Variants in STRN observed in about 807,000 individuals in gnomAD.
STRN encodes the protein striatin, also known as protein phosphatase 2 regulatory subunit B'''alpha.
In STRN, 53 loss-of-function variants were observed where a neutral mutation model predicts 96.3. The observed-to-expected ratio is 0.55, with a 90% CI of 0.44 to 0.69. The LOEUF is 0.69. Among genes scored for constraint, STRN ranks in the 30% least tolerant of loss-of-function variants. STRN has a pLI of 0.00. For synonymous variants in STRN, 428 were observed against 355.9 expected, an observed-to-expected ratio of 1.20 and a Z score of -2.28; for missense variants, 987 against 963.9, an observed-to-expected ratio of 1.02 and a Z score of -0.32.
intron 3 of STRN, among the ~76,000 whole-genome samples, chr2:36,910,768 T>C (rs1027567184): frequency 1.3e-5 from 2 of 152,192 alleles, no homozygotes; most frequent in Non-Finnish European, 2.9e-5. Flanking sequence ...TCTAAATTTC[T>C]CAATTAAAAG....
intron 5 of STRN, 130 bp from the exon 6 acceptor site, chr2:36,899,788 ATTCT>A: frequency 9.7e-6 from 8 of 826,570 alleles, no homozygotes; most frequent in South Asian, 2.2e-5. Flanking sequence ...ATCTACATTG[ATTCT>A]TATCAATTAC....
At position 36,887,084 on chromosome 2, in the gene STRN, C is replaced by CACACAT. The variant is rs1281980963; in HGVS notation, c.932-259_932-258insATGTGT. On this transcript the variant is annotated intron_variant, in intron 7 of 17. Transcript: ENST00000263918. ...ACACACACACACACACACACACACA[C>CACACAT]ACGGAAGATTTTAGTGATTTTTAGT... is the stretch of plus-strand genomic sequence containing the variant. Among the ~76,000 whole-genome samples, 618 of 118,176 alleles carry CACACAT rather than the reference C, an allele frequency of 5.2e-3. 12 individuals carry two copies. Among genetic ancestry groups the CACACAT allele is most frequent in the African/African-American group, 0.016 (537 of 34,416 alleles). 77.5% of individuals were successfully genotyped at this position (118,176 alleles called of 152,430 possible).
At chr2:36,889,763 T>C (rs1253878261) in intron 7 of STRN, among the ~76,000 whole-genome samples, 3 of 152,076 alleles carry the variant, frequency 2.0e-5, no homozygotes. Flanking sequence ...TATAAAATCC[T>C]AAAACATACA....
chr2:36,864,745 CTT>C (rs1668579292), intron 12 of STRN, among the ~76,000 whole-genome samples: 1 of 152,168 alleles, frequency 6.6e-6, no homozygotes, highest in African/African-American at 2.4e-5. Context: ...TTTCATCACT[CTT>C]GTCGCCCAGG....
chr2:36,886,253 C>T (rs767046749), intron 8 of STRN, among the ~76,000 whole-genome samples: 62 of 152,116 alleles, frequency 4.1e-4, no homozygotes, highest in Non-Finnish European at 7.1e-4. Context: ...AGCAAATGAA[C>T]TGCATGTTAT....
chr2:36,915,446 G>C (rs1490809266), intron 3 of STRN, among the ~76,000 whole-genome samples: 1 of 151,010 alleles, frequency 6.6e-6, no homozygotes, highest in African/African-American at 2.4e-5. Context: ...CTACTAATAA[G>C]TGAATTATAT....
intron 2 of STRN, among the ~76,000 whole-genome samples, chr2:36,917,270 C>T (rs574447518): frequency 5.2e-4 from 79 of 151,384 alleles, no homozygotes; most frequent in African/African-American, 1.9e-3. Context: ...GCCTGTAATC[C>T]TAACACTTTG....
At position 36,838,971 on chromosome 2, in the gene STRN, A is replaced by T. The variant is rs768431639; in HGVS notation, c.*10485T>A. 6.6e-6 allele frequency among the ~76,000 whole-genome samples: 1 copy of T among 152,206 alleles called. No individual in the cohort carries two copies. Among genetic ancestry groups the T allele is most frequent in the Non-Finnish European group, 1.5e-5 (1 of 68,042 alleles). ...TGATAAATTTGAGAGACCTTTAAAAATTTGTAAGGTGCTCATGATACACAT... is the reference window on the plus strand; with the variant it reads ...TGATAAATTTGAGAGACCTTTAAAATTTTGTAAGGTGCTCATGATACACAT... On this transcript the variant is annotated 3_prime_UTR_variant, in exon 18 of 18. Coordinates refer to ENST00000263918, the MANE Select transcript of STRN (RefSeq NM_003162.4).
chr2:36,964,034 C>G (rs1470345115), intron 1 of STRN, among the ~76,000 whole-genome samples: 1 of 151,642 alleles, frequency 6.6e-6, no homozygotes, highest in African/African-American at 2.4e-5. Context: ...ATGATAAGCA[C>G]CCATGGGAAA....
rs1572611275 is a variant in STRN at position 36,839,077 on chromosome 2, T to A, written c.*10379A>T. ...AACTGGGTATACACATTTGTATGAA[T>A]AATTAGAAAGATACATATCAGGGAG... On this transcript the variant is annotated 3_prime_UTR_variant, in exon 18 of 18. Transcript: ENST00000263918. Among the ~76,000 whole-genome samples, 5 of 152,222 alleles carry A rather than the reference T, an allele frequency of 3.3e-5. No homozygotes were observed. The South Asian group carries it at 8.3e-4, about 25-fold the overall frequency.
intron 9 of STRN, among the ~76,000 whole-genome samples, chr2:36,880,171 T>G (rs986685240): frequency 6.6e-6 from 1 of 152,230 alleles, no homozygotes; most frequent in South Asian, 2.1e-4. Context: ...TTTTGCCACG[T>G]TGGCCAGGCT....
At chr2:36,914,874 A>G (rs1670049002) in intron 3 of STRN, among the ~76,000 whole-genome samples, 1 of 152,170 alleles carries the variant, frequency 6.6e-6, no homozygotes, top group South Asian at 2.1e-4. Flanking sequence ...TACCAAAGAT[A>G]CTTTACCGAA....
At chr2:36,896,479 T>C (rs1296312337) in intron 6 of STRN, among the ~76,000 whole-genome samples, 1 of 152,202 alleles carries the variant, frequency 6.6e-6, no homozygotes, top group Non-Finnish European at 1.5e-5. Context: ...TAAGCATGTA[T>C]TACTTTTCTT....
At chr2:36,951,391 C>G (rs1021947803) in intron 1 of STRN, among the ~76,000 whole-genome samples, 5 of 152,186 alleles carry the variant, frequency 3.3e-5, no homozygotes, top group African/African-American at 1.2e-4. Context: ...CAATAAAATG[C>G]AGACACTATT....
intron 1 of STRN, among the ~76,000 whole-genome samples, chr2:36,946,591 A>G (rs982951904): frequency 1.4e-4 from 22 of 152,248 alleles, no homozygotes; most frequent in Non-Finnish European, 2.6e-4. Context: ...AAAATGTGGT[A>G]TACACTAAAT....
At chr2:36,886,263 T>G (rs1669223528) in intron 8 of STRN, among the ~76,000 whole-genome samples, 1 of 152,188 alleles carries the variant, frequency 6.6e-6, no homozygotes, top group Non-Finnish European at 1.5e-5. Context: ...CTGCATGTTA[T>G]GAACACATAG....
chr2:36,963,291 G>T (rs143171238), intron 1 of STRN, among the ~76,000 whole-genome samples: 40 of 152,282 alleles, frequency 2.6e-4, no homozygotes, highest in African/African-American at 9.6e-4. Context: ...ACAGGTTCTT[G>T]AAGAGGCAAA....
chr2:36,869,088 T>C (rs578161680), intron 11 of STRN, among the ~76,000 whole-genome samples: 1 of 152,128 alleles, frequency 6.6e-6, no homozygotes, highest in African/African-American at 2.4e-5. Flanking sequence ...GTACCTAAAG[T>C]CTCAAGGCCA....
chr2:36,920,532 G>T (rs1236081073), intron 2 of STRN, among the ~76,000 whole-genome samples: 3 of 151,948 alleles, frequency 2.0e-5, no homozygotes, highest in Non-Finnish European at 2.9e-5. Context: ...CAGCTACTGG[G>T]GAGGCTGAGG....
Sources: allele counts gnomAD v4.1 joint callset (sites outside exome capture counted in the v4.1 genomes callset), GRCh38; gene constraint gnomAD v4.1.1; transcripts MANE v1.5; gene names NCBI Gene and HGNC (gene_info 2026-07-23, HGNC 2026-07-21).